PDE1C: variants seen among roughly 807,000 people sequenced by gnomAD.
The protein encoded by PDE1C is dual specificity calcium/calmodulin-dependent 3',5'-cyclic nucleotide phosphodiesterase 1C.
A neutral mutation model predicts 93.1 loss-of-function variants in PDE1C; 62 were observed. That is an observed-to-expected ratio of 0.67 (90% CI 0.54 to 0.82). The LOEUF (loss-of-function observed/expected upper bound fraction) is 0.82, where lower values mean the gene tolerates loss of function less well. PDE1C is among the 40% of genes least tolerant of loss of function. The pLI, the probability that PDE1C is intolerant of heterozygous loss-of-function variation, is 0.00. For missense variants in PDE1C, 742 were observed against 884.6 expected, an observed-to-expected ratio of 0.84 and a Z score of 2.04; for synonymous variants, 325 against 310.1, an observed-to-expected ratio of 1.05 and a Z score of -0.50.
At chr7:32,382,805 G>GA (rs1784558113) in intron 1 of PDE1C, among the ~76,000 whole-genome samples, 1 of 152,200 alleles carries the variant, frequency 6.6e-6, no homozygotes, top group African/African-American at 2.4e-5. Flanking sequence ...GGTCAGAGTG[G>GA]AAATGGGAAC....
intron 2 of PDE1C, among the ~76,000 whole-genome samples, chr7:32,177,127 T>C (rs1370950863): frequency 6.6e-6 from 1 of 152,088 alleles, no homozygotes; most frequent in East Asian, 1.9e-4. Flanking sequence ...AACACTGCCG[T>C]GTGCGGAGAA....
intron 3 of PDE1C, among the ~76,000 whole-genome samples, chr7:32,159,813 C>T (rs1801801027): frequency 6.6e-6 from 1 of 152,174 alleles, no homozygotes; most frequent in Non-Finnish European, 1.5e-5. Flanking sequence ...AAAGTGAACT[C>T]AGTGGCCAGT....
chr7:31,992,253 A>T (rs1156438790), intron 2 of PDE1C, among the ~76,000 whole-genome samples: 1 of 152,226 alleles, frequency 6.6e-6, no homozygotes, highest in East Asian at 1.9e-4. Context: ...GCTCCAGCTC[A>T]GTGACACCCA....
chr7:32,298,697 T>G (rs1330595789), exon 1 of PDE1C: 1 of 1,607,180 alleles, frequency 6.2e-7, no homozygotes, highest in Non-Finnish European at 8.5e-7. Context: ...CGCTCCGGCA[T>G]TTTTTGAAGC....
intron 9 of PDE1C, among the ~76,000 whole-genome samples, chr7:31,841,679 T>C (rs1003675965): frequency 7.9e-5 from 12 of 152,176 alleles, no homozygotes; most frequent in Non-Finnish European, 1.5e-4. Context: ...AATTTTTGAA[T>C]GCTGAATTAA....
intron 2 of PDE1C, among the ~76,000 whole-genome samples, chr7:32,189,995 A>G (rs1254991229): frequency 6.6e-6 from 1 of 152,236 alleles, no homozygotes; most frequent in Non-Finnish European, 1.5e-5. Context: ...TGAACATCTC[A>G]TCAGCCTTGT....
chr7:32,338,503 A>G (rs1783673523), intron 1 of PDE1C, among the ~76,000 whole-genome samples: 1 of 152,230 alleles, frequency 6.6e-6, no homozygotes, highest in Non-Finnish European at 1.5e-5. Context: ...GTTGGCAAAG[A>G]TGTAGAAAAC....
intron 3 of PDE1C, among the ~76,000 whole-genome samples, chr7:32,087,751 A>G (rs895611386): frequency 2.0e-5 from 3 of 151,966 alleles, no homozygotes; most frequent in Non-Finnish European, 4.4e-5. Context: ...TATCACAAGG[A>G]CAGAAAACCA....
At chr7:31,722,162 C>G in the PDE1C span, among the ~76,000 whole-genome samples, 1 of 152,042 alleles carries the variant, frequency 6.6e-6, no homozygotes, top group African/African-American at 2.4e-5. Context: ...CCATCTCACC[C>G]CTGGTGAGCT....
At chr7:32,028,933 A>G (rs189768381) in intron 2 of PDE1C, among the ~76,000 whole-genome samples, 1 of 152,244 alleles carries the variant, frequency 6.6e-6, no homozygotes, top group East Asian at 1.9e-4. Flanking sequence ...AAGTGGAAAC[A>G]ATTAACAAGG....
At chr7:31,787,979 A>C (rs1294024107) in intron 16 of PDE1C, 3 of 152,190 alleles carry the variant, frequency 2.0e-5, no homozygotes, top group Admixed American at 6.5e-5. Context: ...AGTGAGTTAC[A>C]TGGAGTTTTG....
intron 2 of PDE1C, among the ~76,000 whole-genome samples, chr7:32,044,466 A>G (rs766362608): frequency 6.6e-6 from 1 of 152,150 alleles, no homozygotes; most frequent in Non-Finnish European, 1.5e-5. Flanking sequence ...CAGGAAGCCA[A>G]TGGAGATTTG....
intron 2 of PDE1C, among the ~76,000 whole-genome samples, chr7:32,205,411 G>A (rs1198482435): frequency 1.2e-4 from 19 of 152,212 alleles, no homozygotes; most frequent in East Asian, 1.9e-4. Flanking sequence ...GATTGTAAAT[G>A]CACCAATCAG....
chr7:31,956,836 T>A (rs1319536863), intron 2 of PDE1C, among the ~76,000 whole-genome samples: 1 of 152,168 alleles, frequency 6.6e-6, no homozygotes, highest in African/African-American at 2.4e-5. Flanking sequence ...TTGGTTAAAA[T>A]CATGGGCAGA....
At chr7:31,857,312 T>C (rs573950521) in intron 7 of PDE1C, among the ~76,000 whole-genome samples, 14 of 152,270 alleles carry the variant, frequency 9.2e-5, no homozygotes, top group African/African-American at 2.9e-4. Context: ...ACTAACAATG[T>C]CTCTGATTTT....
intron 1 of PDE1C, among the ~76,000 whole-genome samples, chr7:32,346,307 G>T (rs1267427440): frequency 2.0e-5 from 3 of 152,242 alleles, no homozygotes; most frequent in Non-Finnish European, 4.4e-5. Flanking sequence ...GGTACCCAGT[G>T]CATGCCAGCA....
intron 3 of PDE1C, among the ~76,000 whole-genome samples, chr7:32,111,901 A>T (rs913620930): frequency 9.9e-5 from 15 of 152,164 alleles, no homozygotes; most frequent in African/African-American, 3.6e-4. Flanking sequence ...GGTCAAATAA[A>T]TGAAGCTGAT....
the PDE1C span, among the ~76,000 whole-genome samples, chr7:31,622,325 C>T: frequency 6.6e-6 from 1 of 152,038 alleles, no homozygotes; most frequent in East Asian, 1.9e-4. Flanking sequence ...CACCACACCA[C>T]ACCTATTCAA....
At chr7:31,756,173 T>A (rs981831719) in intron 17 of PDE1C, among the ~76,000 whole-genome samples, 1 of 152,058 alleles carries the variant, frequency 6.6e-6, no homozygotes, top group Non-Finnish European at 1.5e-5. Context: ...CTCCTTCTCA[T>A]AAATAAATAA....
Sources: allele counts gnomAD v4.1 joint callset (sites outside exome capture counted in the v4.1 genomes callset), GRCh38; gene constraint gnomAD v4.1.1; transcripts MANE v1.5; gene names NCBI Gene and HGNC (gene_info 2026-07-23, HGNC 2026-07-21).